Variants in ZMIZ1 observed in about 807,000 individuals in gnomAD.
The protein encoded by ZMIZ1 is zinc finger MIZ-type containing 1.
Under a neutral mutation model 113.9 loss-of-function variants are expected in ZMIZ1, and 17 were observed. That is an observed-to-expected ratio of 0.15 (90% CI 0.10 to 0.22). The LOEUF (loss-of-function observed/expected upper bound fraction) is 0.22. ZMIZ1 is among the 10% of genes least tolerant of loss of function. The probability of loss-of-function intolerance (pLI) is 1.00; values close to 1 mark genes in which losing one functional copy is unlikely to be tolerated. For synonymous variants in ZMIZ1, 607 were observed against 603.1 expected (o/e 1.01, Z -0.09); for missense variants, 1,059 against 1,477.8 (o/e 0.72, Z 4.65).
At chr10:79,084,552 C>T (rs577851910) in intron 1 of ZMIZ1, among the ~76,000 whole-genome samples, 6 of 152,306 alleles carry the variant, frequency 3.9e-5, no homozygotes, top group South Asian at 2.1e-4. Context: ...AAAGTCACTT[C>T]GGACAGGCTC....
intron 23 of ZMIZ1, among the ~76,000 whole-genome samples, chr10:79,308,659 T>C (rs1377040185): frequency 6.6e-6 from 1 of 152,148 alleles, no homozygotes; most frequent in Non-Finnish European, 1.5e-5. Flanking sequence ...AAATAGATGC[T>C]TTGTGGAGCT....
intron 19 of ZMIZ1, 24 bp from the exon 20 acceptor site, chr10:79,305,140 C>G: frequency 6.2e-7 from 1 of 1,613,746 alleles, no homozygotes; most frequent in East Asian, 2.2e-5. Flanking sequence ...CTGGTCTCAC[C>G]TGTGTCTGTC....
intron 7 of ZMIZ1, among the ~76,000 whole-genome samples, chr10:79,220,165 C>T (rs187586066): frequency 1.3e-5 from 2 of 152,298 alleles, no homozygotes; most frequent in African/African-American, 4.8e-5. Context: ...GATTTGCCCA[C>T]CTCATGGGCT....
At chr10:79,141,341 A>G (rs923025296) in intron 3 of ZMIZ1, among the ~76,000 whole-genome samples, 1 of 152,230 alleles carries the variant, frequency 6.6e-6, no homozygotes, top group Non-Finnish European at 1.5e-5. Flanking sequence ...GATGATAAAT[A>G]CCTAAAAAGT....
intron 7 of ZMIZ1, among the ~76,000 whole-genome samples, chr10:79,276,279 T>C (rs1383745551): frequency 6.6e-6 from 1 of 152,202 alleles, no homozygotes; most frequent in South Asian, 2.1e-4. Context: ...AGCGTCCTCA[T>C]GTACTTCAGG....
intron 1 of ZMIZ1, among the ~76,000 whole-genome samples, chr10:79,111,448 A>T (rs1843734386): frequency 6.6e-6 from 1 of 152,186 alleles, no homozygotes; most frequent in Non-Finnish European, 1.5e-5. Context: ...CCTCTCCCAT[A>T]AGAAGTTTGG....
Position 79,212,316 on chromosome 10 carries a change from C to T in ZMIZ1, c.175-3853C>T, listed in dbSNP as rs980137148. The stretch of plus-strand genomic sequence containing the variant: ...GGGACTACAGGCACCTGCCACCATG[C>T]CAGGCCAATTTTTAAATTTTTTTTT... On this transcript the variant is annotated intron_variant, in intron 6 of 24. Transcript: ENST00000334512. 2.0e-5 allele frequency among the ~76,000 whole-genome samples: 3 copies of T among 152,034 alleles called. No individual in the cohort carries two copies. The East Asian group carries it at 5.8e-4, about 29-fold the overall frequency.
intron 7 of ZMIZ1, among the ~76,000 whole-genome samples, chr10:79,239,944 G>T (rs1442264597): frequency 6.9e-6 from 1 of 145,912 alleles, no homozygotes; most frequent in Non-Finnish European, 1.5e-5. Flanking sequence ...GCTCCGCATG[G>T]CAGGCTCCTC....
chr10:79,187,188 A>G (rs1057426086), intron 4 of ZMIZ1, among the ~76,000 whole-genome samples: 3 of 152,224 alleles, frequency 2.0e-5, no homozygotes, highest in African/African-American at 7.2e-5. Flanking sequence ...CTTAGGAATC[A>G]TCTCACCCCG....
At chr10:79,148,195 C>A (rs1845570014) in intron 3 of ZMIZ1, among the ~76,000 whole-genome samples, 1 of 152,204 alleles carries the variant, frequency 6.6e-6, no homozygotes, top group Non-Finnish European at 1.5e-5. Context: ...GCCCACGCTC[C>A]ACAAAAGATA....
intron 1 of ZMIZ1, among the ~76,000 whole-genome samples, chr10:79,109,763 C>A (rs74141764): frequency 0.011 from 1,639 of 152,368 alleles, 34 homozygotes; most frequent in African/African-American, 0.038. Flanking sequence ...TAGACAGCCC[C>A]TCTGCCTCTC....
At chr10:79,224,385 C>G (rs1251979422) in intron 7 of ZMIZ1, among the ~76,000 whole-genome samples, 2 of 152,178 alleles carry the variant, frequency 1.3e-5, no homozygotes, top group East Asian at 3.9e-4. Flanking sequence ...GGAGAGCCGG[C>G]AGCTCCTGGC....
In ZMIZ1 at chr10:79,298,407, C is replaced by T; in HGVS notation, c.1493C>T (p.Pro498Leu). 1.2e-6 allele frequency: 2 copies of T among 1,607,496 alleles called. No individual in the cohort carries two copies. The highest frequency in any genetic ancestry group is 1.7e-6 in the Non-Finnish European group (2 of 1,177,030). The change falls in exon 15 of 25, where the codon CCT becomes CTT. Residue 498 changes from proline to leucine, a missense_variant and splice_region_variant. Pro to Leu is a moderately conservative substitution (Grantham distance 98). Around this residue, in one of 6 missense-constraint regions of ZMIZ1, gnomAD observed 239 missense variants for 247.5 expected, o/e 0.97. Transcript: ENST00000334512. ...TGCGTGTCTTTTCTTTCCCTCCAGC[C>T]TCCCAGGCCGGTTCCTGTGGCAAAT... ...SNYSQGNVNR[P>L]PRPVPVANYP...
At chr10:79,197,920 G>A (rs566455131) in intron 4 of ZMIZ1, among the ~76,000 whole-genome samples, 5 of 152,130 alleles carry the variant, frequency 3.3e-5, no homozygotes, top group South Asian at 2.1e-4. Flanking sequence ...TTTAATCTCC[G>A]CACGCCCAAC....
intron 7 of ZMIZ1, among the ~76,000 whole-genome samples, chr10:79,241,858 G>A (rs762364339): frequency 6.6e-6 from 1 of 152,168 alleles, no homozygotes; most frequent in Non-Finnish European, 1.5e-5. Context: ...AGTGAACCTG[G>A]TCAGCTCCCG....
rs906508937 is a variant in ZMIZ1 at position 79,248,090 on chromosome 10, C to T, written c.281-29091C>T. 2.6e-5 allele frequency among the ~76,000 whole-genome samples: 4 copies of T among 152,160 alleles called. No individual in the cohort carries two copies. The South Asian group carries it at 6.2e-4, about 24-fold the overall frequency. Reference sequence around the variant, plus strand: ...GGCCATGTCTTTGGGTGCCACCACCCGCATCTGGGTGTGCAGTGGGAAATA... The same window carrying T: ...GGCCATGTCTTTGGGTGCCACCACCTGCATCTGGGTGTGCAGTGGGAAATA... On this transcript the variant is annotated intron_variant, in intron 7 of 24. Coordinates refer to ENST00000334512, the MANE Select transcript of ZMIZ1 (RefSeq NM_020338.4).
At chr10:79,174,775 G>A (rs747997278) in intron 4 of ZMIZ1, among the ~76,000 whole-genome samples, 9 of 152,250 alleles carry the variant, frequency 5.9e-5, no homozygotes, top group Admixed American at 4.6e-4. Context: ...TGCAGGCTCA[G>A]TGTAAAACTC....
At chr10:79,110,740 A>G (rs1053945789) in intron 1 of ZMIZ1, among the ~76,000 whole-genome samples, 3 of 152,234 alleles carry the variant, frequency 2.0e-5, no homozygotes, top group African/African-American at 4.8e-5. Flanking sequence ...ACAGGGGAAC[A>G]TGATGTCTTG....
intron 4 of ZMIZ1, among the ~76,000 whole-genome samples, chr10:79,168,966 CT>C (rs1191358834): frequency 2.0e-5 from 3 of 152,224 alleles, no homozygotes; most frequent in African/African-American, 7.2e-5. Context: ...CCATTAAGTG[CT>C]TCTCACCCTT....
Sources: allele counts gnomAD v4.1 joint callset (sites outside exome capture counted in the v4.1 genomes callset), GRCh38; gene constraint gnomAD v4.1.1; regional missense constraint gnomAD v4.1.1; transcripts MANE v1.5; gene names NCBI Gene and HGNC (gene_info 2026-07-23, HGNC 2026-07-21).